The following PACRG variants were observed in gnomAD, a reference collection of about 807,000 sequenced individuals.
The protein encoded by PACRG is parkin coregulated.
In PACRG, 29 loss-of-function variants were observed where a neutral mutation model predicts 29.7. That is an observed-to-expected ratio of 0.98 (90% CI 0.73 to 1.33). The LOEUF is 1.33. PACRG is among the 40% of genes most tolerant of loss of function. The pLI is 0.00. For missense variants in PACRG, 279 were observed against 316.2 expected, an observed-to-expected ratio of 0.88 and a Z score of 0.89; for synonymous variants, 116 against 118.7, an observed-to-expected ratio of 0.98 and a Z score of 0.15.
At chr6:163,259,980 G>A (rs1407776834) in intron 4 of PACRG, among the ~76,000 whole-genome samples, 1 of 152,212 alleles carries the variant, frequency 6.6e-6, no homozygotes, top group Non-Finnish European at 1.5e-5. Context: ...TTCAGAGTTG[G>A]AAGAGGGTGT....
At chr6:163,130,944 A>T (rs1816708370) in intron 4 of PACRG, among the ~76,000 whole-genome samples, 1 of 152,174 alleles carries the variant, frequency 6.6e-6, no homozygotes, top group African/African-American at 2.4e-5. Flanking sequence ...TTGTGTAATT[A>T]GTTAAGATAA....
rs146971671 is a variant in PACRG, at chr6:163,077,332, A to G, written c.464-11927A>G. ...AGAATTATGGAAATATCACTGCTTT[A>G]CAAATAGACGGGCCATAACACGGTG... On this transcript the variant is annotated intron_variant, in intron 3 of 4. Coordinates refer to ENST00000366888, the MANE Select transcript of PACRG (RefSeq NM_001080379.2). Among the ~76,000 whole-genome samples, 252 of 152,304 alleles carry G rather than the reference A, an allele frequency of 1.7e-3. 9 individuals carry two copies. In the East Asian group the frequency reaches 0.046, roughly 28 times the overall value.
intron 2 of PACRG, among the ~76,000 whole-genome samples, chr6:162,872,719 G>A (rs1792930640): frequency 6.6e-6 from 1 of 152,048 alleles, no homozygotes; most frequent in Non-Finnish European, 1.5e-5. Context: ...AAAAATTGCA[G>A]GTCCAGACAC....
intron 4 of PACRG, chr6:163,170,913 C>A (rs1156867824): frequency 6.6e-6 from 1 of 152,176 alleles, no homozygotes; most frequent in Non-Finnish European, 1.5e-5. Flanking sequence ...ATTTGTAGCT[C>A]CTAATGTCAG....
intron 4 of PACRG, among the ~76,000 whole-genome samples, chr6:163,164,868 C>T (rs1176296963): frequency 1.3e-5 from 2 of 152,216 alleles, no homozygotes; most frequent in African/African-American, 4.8e-5. Context: ...GACTTTATTT[C>T]CTGGCAGAGC....
At chr6:162,880,627 A>G (rs756089811) in intron 2 of PACRG, among the ~76,000 whole-genome samples, 13 of 152,258 alleles carry the variant, frequency 8.5e-5, no homozygotes, top group Admixed American at 1.3e-4. Flanking sequence ...TAGTAAGATC[A>G]GCCATGACTA....
intron 2 of PACRG, among the ~76,000 whole-genome samples, chr6:163,005,292 A>G (rs1490041298): frequency 1.3e-5 from 2 of 151,818 alleles, no homozygotes; most frequent in South Asian, 2.1e-4. Flanking sequence ...TCTATTTTAT[A>G]TTTTACTAAT....
chr6:162,810,045 G>T lies in PACRG; in HGVS notation c.157-4102G>T, dbSNP rs965719379. 4.6e-5 allele frequency among the ~76,000 whole-genome samples: 7 copies of T among 152,118 alleles called. No homozygotes were observed. In the South Asian group the frequency reaches 1.4e-3, roughly 32 times the overall value. On this transcript the variant is annotated intron_variant, in intron 1 of 4. Coordinates refer to ENST00000366888, the MANE Select transcript of PACRG (RefSeq NM_001080379.2). ...TTTCACCACTGCCCAGGGTAATGAG[G>T]CCACACTGTTTATGATGTCAGTGTG...
intron 2 of PACRG, among the ~76,000 whole-genome samples, chr6:162,892,830 A>G (rs539024208): frequency 6.6e-6 from 1 of 152,122 alleles, no homozygotes; most frequent in East Asian, 1.9e-4. Flanking sequence ...AGCCACTGAC[A>G]TAGGGCACAC....
chr6:163,016,323 A>G (rs1179659210), intron 2 of PACRG: 1 of 152,202 alleles, frequency 6.6e-6, no homozygotes, highest in African/African-American at 2.4e-5. Flanking sequence ...AGGGATGGAC[A>G]AGATATAATC....
intron 2 of PACRG, among the ~76,000 whole-genome samples, chr6:163,007,322 A>C (rs990461054): frequency 2.6e-5 from 4 of 152,092 alleles, no homozygotes; most frequent in Admixed American, 1.3e-4. Context: ...AATAAGAAAA[A>C]ATTTTTCTAT....
At chr6:162,815,670 C>T (rs561299702) in intron 2 of PACRG, among the ~76,000 whole-genome samples, 4 of 151,756 alleles carry the variant, frequency 2.6e-5, no homozygotes, top group African/African-American at 7.2e-5. Context: ...AAATTTATAG[C>T]GTGTATAACT....
chr6:163,190,788 GC>G, intron 4 of PACRG: 1 of 333,886 alleles, frequency 3.0e-6, no homozygotes, highest in South Asian at 2.5e-5. Flanking sequence ...TGTTCTGTGA[GC>G]CCGCTCCAAA....
chr6:163,195,802 T>C (rs1780427499), intron 4 of PACRG, among the ~76,000 whole-genome samples: 1 of 152,150 alleles, frequency 6.6e-6, no homozygotes, highest in Admixed American at 6.5e-5. Flanking sequence ...CATTCTAAAA[T>C]GGCCCCTGGA....
At chr6:162,893,178 C>T (rs1239450640) in intron 2 of PACRG, among the ~76,000 whole-genome samples, 1 of 152,188 alleles carries the variant, frequency 6.6e-6, no homozygotes, top group African/African-American at 2.4e-5. Flanking sequence ...TGGTGCCGCT[C>T]ACCCAAACTA....
chr6:162,835,556 A>G (rs1789149357), intron 2 of PACRG, among the ~76,000 whole-genome samples: 1 of 152,174 alleles, frequency 6.6e-6, no homozygotes, highest in African/African-American at 2.4e-5. Context: ...CCATAAATGC[A>G]TTTTATAAAT....
At chr6:163,112,049 A>G in intron 4 of PACRG, 1 of 961,404 alleles carries the variant, frequency 1.0e-6, no homozygotes, top group Non-Finnish European at 1.2e-6. Context: ...AAATTATTAA[A>G]TTCATTGAGG....
intron 1 of PACRG, among the ~76,000 whole-genome samples, chr6:162,774,128 G>A (rs1417569178): frequency 3.3e-5 from 5 of 152,112 alleles, no homozygotes; most frequent in Admixed American, 3.3e-4. Context: ...TTTGACGAAT[G>A]GTATTTTTTT....
intron 4 of PACRG, among the ~76,000 whole-genome samples, chr6:163,193,541 A>C (rs1252805808): frequency 6.6e-6 from 1 of 152,192 alleles, no homozygotes; most frequent in East Asian, 1.9e-4. Flanking sequence ...TTAAGAACCC[A>C]GTGCTATGTG....
Sources: gnomAD v4.1 joint callset for allele counts (sites outside exome capture counted in the v4.1 genomes callset) on GRCh38, gnomAD v4.1.1 for gene constraint, MANE v1.5 for transcripts, NCBI Gene and HGNC (gene_info 2026-07-23, HGNC 2026-07-21) for gene names.